Variants in HECTD4 observed in about 807,000 individuals in gnomAD.
The protein encoded by HECTD4 is HECT domain E3 ubiquitin protein ligase 4.
In HECTD4, 114 loss-of-function variants were observed where a neutral mutation model predicts 471.5. The observed-to-expected ratio is 0.24, with a 90% confidence interval of 0.21 to 0.28. The LOEUF (loss-of-function observed/expected upper bound fraction) is 0.28. HECTD4 is among the 10% of genes least tolerant of loss of function. HECTD4 has a pLI of 1.00. For synonymous variants in HECTD4, 2,012 were observed against 2,256.0 expected (o/e 0.89, Z 3.07); for missense variants, 3,866 against 5,651.5 (o/e 0.68, Z 10.13).
rs79313730 is a variant in HECTD4 at position 112,170,663 on chromosome 12, G to C, written c.11933-211C>G. ...GAGACATCCAATTTCTAGAAACAAT[G>C]CAAACAAACTAGAGTTGCAAAATGG... is the stretch of plus-strand genomic sequence containing the variant. On this transcript the variant is annotated intron_variant, in intron 68 of 75. Coordinates refer to ENST00000682272, the MANE Select transcript of HECTD4 (RefSeq NM_001388303.1). The C allele has an allele frequency of 2.1e-3, 1,194 of 560,646 alleles. 12 individuals carry two copies. Among genetic ancestry groups the C allele is most frequent in the African/African-American group, 0.02 (1,079 of 53,606 alleles). 34.7% of individuals were successfully genotyped at this position (560,646 alleles called of 1,614,324 possible).
rs369235176 is a variant in HECTD4, at chr12:112,243,766, G to A, written c.4650-5C>T. 22 of 1,612,822 alleles carry A rather than the reference G, an allele frequency of 1.4e-5. No homozygotes were observed. Among genetic ancestry groups the A allele is most frequent in the African/African-American group, 5.3e-5 (4 of 74,902 alleles). ...TGGCTGGTCACGTGGCGACGCCTAC[G>A]GGGAACACAGAACAGACTGGCAAGA... On this transcript the variant is annotated splice_polypyrimidine_tract_variant and splice_region_variant and intron_variant, in intron 30 of 75. Transcript: ENST00000682272. The surrounding 1 kb of genome is among the most constrained non-coding windows in gnomAD (Gnocchi z 6.6).
chr12:112,233,198 CTTACACTAACATTAGCT>C, intron 37 of HECTD4, 113 bp from the exon 38 acceptor site: 15 of 568,134 alleles, frequency 2.6e-5, no homozygotes, highest in East Asian at 9.9e-5. Context: ...CTAACATTAG[CTTACACTAACATTAGCT>C]TTTTTTTTTT....
At chr12:112,364,410 A>G (rs1458880836) in intron 1 of HECTD4, among the ~76,000 whole-genome samples, 2 of 139,756 alleles carry the variant, frequency 1.4e-5, no homozygotes, top group East Asian at 4.3e-4. Context: ...CTCTCTCTCA[A>G]AAAAAAAAAA....
chr12:112,323,967 T>TC (rs2035650538), intron 1 of HECTD4, among the ~76,000 whole-genome samples: 1 of 16,496 alleles, frequency 6.1e-5, no homozygotes, highest in Non-Finnish European at 9.8e-5. Flanking sequence ...TCTTTCTTTC[T>TC]TCCTTCCTTC....
At chr12:112,216,980 C>G in intron 46 of HECTD4, 54 bp downstream of exon 46, 3 of 1,595,530 alleles carry the variant, frequency 1.9e-6, no homozygotes, top group Non-Finnish European at 2.6e-6. Context: ...CTGAGACCTG[C>G]TTTTTCTTTC....
intron 66 of HECTD4, 88 bp from the exon 67 acceptor site, chr12:112,172,949 A>G (rs1010727781): frequency 9.3e-5 from 106 of 1,142,020 alleles, no homozygotes; most frequent in Non-Finnish European, 1.3e-4. Context: ...CCCTGTCCTC[A>G]GCTCCTGGAG....
In HECTD4 at chr12:112,269,696, C is replaced by T; in HGVS notation, c.2321+8G>A. The T allele has an allele frequency of 6.2e-7, 1 of 1,613,788 alleles. No homozygotes were observed. The highest frequency in any genetic ancestry group is 8.5e-7 in the Non-Finnish European group (1 of 1,179,772). On this transcript the variant is annotated splice_region_variant and intron_variant, in intron 13 of 75. Coordinates refer to ENST00000682272, the MANE Select transcript of HECTD4 (RefSeq NM_001388303.1). ...CAGAGAGCACTACAAAAATCATTAG[C>T]TGTTTACCTGATGGCAAGGCAGACT...
chr12:112,368,623 G>A (rs549279386), intron 1 of HECTD4, among the ~76,000 whole-genome samples: 3 of 152,034 alleles, frequency 2.0e-5, no homozygotes, highest in South Asian at 4.2e-4. Context: ...AGTAATCACA[G>A]GATCCAAAAC....
rs548556580 is a variant in HECTD4, at chr12:112,330,519, T to C, written c.178-10777A>G. ...CTATTGACAATTTTTAATACAAAAC[T>C]ATAACAAATTTAAAAAGGAAACTGA... On this transcript the variant is annotated intron_variant, in intron 1 of 75. Transcript: ENST00000682272. Among the ~76,000 whole-genome samples, 3 of 152,270 alleles carry C rather than the reference T, an allele frequency of 2.0e-5. No homozygotes were observed. In the South Asian group the frequency reaches 6.2e-4, roughly 32 times the overall value.
rs568612877 is a variant in HECTD4, at chr12:112,209,417, C to T, written c.7867+598G>A. Among the ~76,000 whole-genome samples the T allele has an allele frequency of 6.6e-5, 10 of 151,788 alleles. No individual in the cohort carries two copies. In the South Asian group the frequency reaches 2.1e-3, roughly 32 times the overall value. On this transcript the variant is annotated intron_variant, in intron 50 of 75. Coordinates refer to ENST00000682272, the MANE Select transcript of HECTD4 (RefSeq NM_001388303.1). ...TCTCAACTCACTGCAACCTCCACCTCCCGGTTCAAGCAATTCTTCTGCCTC... is the reference window on the plus strand; with the variant it reads ...TCTCAACTCACTGCAACCTCCACCTTCCGGTTCAAGCAATTCTTCTGCCTC...
intron 22 of HECTD4, among the ~76,000 whole-genome samples, chr12:112,253,352 C>T (rs1021383439): frequency 2.7e-5 from 4 of 150,314 alleles, no homozygotes; most frequent in Non-Finnish European, 5.9e-5. Context: ...CTCAAACTCC[C>T]GACCTCAGGT....
At chr12:112,340,114 T>C (rs928756858) in intron 1 of HECTD4, among the ~76,000 whole-genome samples, 3 of 152,138 alleles carry the variant, frequency 2.0e-5, no homozygotes, top group Non-Finnish European at 4.4e-5. Flanking sequence ...TTTTTCAGGA[T>C]GTAATTCATC....
chr12:112,304,678 TAA>T (rs60118511), intron 7 of HECTD4, among the ~76,000 whole-genome samples: 8,338 of 133,798 alleles, frequency 0.062, 1,258 homozygotes, highest in East Asian at 0.62. Context: ...AAAAACCAAT[TAA>T]AAAAAAAAAA....
intron 6 of HECTD4, 93 bp from the exon 7 acceptor site, chr12:112,306,327 G>C (rs2035270826): frequency 9.6e-7 from 1 of 1,042,716 alleles, no homozygotes; most frequent in East Asian, 3.1e-5. Context: ...TGCCCAAGAT[G>C]AGAATTCACT....
chr12:112,302,264 AG>A, intron 7 of HECTD4: 3 of 1,047,000 alleles, frequency 2.9e-6, no homozygotes, highest in Non-Finnish European at 4.4e-6. Context: ...TCCTGCTCGA[AG>A]GGCAGGTGGT....
chr12:112,162,019 T>G lies in HECTD4; in HGVS notation c.*368A>C. The G allele has an allele frequency of 5.3e-6, 1 of 189,732 alleles. No homozygotes were observed. The highest frequency in any genetic ancestry group is 1.1e-5 in the Non-Finnish European group (1 of 91,568). 11.8% of individuals were successfully genotyped at this position (189,732 alleles called of 1,614,324 possible). A position where few individuals can be genotyped will look rare whatever the true frequency, so the allele number is the denominator to read the frequency against. The stretch of plus-strand genomic sequence containing the variant: ...GCACGAGCGCTCTGTGTGGCCGAGG[T>G]CATTGTACCCCCGGCTTCCTGCTGG... On this transcript the variant is annotated 3_prime_UTR_variant, in exon 76 of 76. Coordinates refer to ENST00000682272, the MANE Select transcript of HECTD4 (RefSeq NM_001388303.1). This position sits in a 1 kb window ranked among gnomAD's most constrained non-coding sequence, Gnocchi z 5.2.
intron 54 of HECTD4, among the ~76,000 whole-genome samples, chr12:112,202,420 A>AGG (rs938595300): frequency 1.3e-5 from 2 of 152,068 alleles, no homozygotes; most frequent in Non-Finnish European, 2.9e-5. Flanking sequence ...TGGCTAGGCT[A>AGG]GTCTCAAGCT....
chr12:112,206,779 G>A (rs1022397999), intron 52 of HECTD4, among the ~76,000 whole-genome samples: 2 of 152,028 alleles, frequency 1.3e-5, no homozygotes, highest in Non-Finnish European at 2.9e-5. Flanking sequence ...CTCATGATCC[G>A]CCTGCCTTGG....
chr12:112,247,181 A>C, intron 28 of HECTD4, 105 bp from the exon 29 acceptor site: 1 of 925,612 alleles, frequency 1.1e-6, no homozygotes, highest in Non-Finnish European at 1.6e-6. Flanking sequence ...GGGGAAACTA[A>C]GCAAAAGTAA....
Sources: allele counts gnomAD v4.1 joint callset (sites outside exome capture counted in the v4.1 genomes callset), GRCh38; gene constraint gnomAD v4.1.1; non-coding constraint Gnocchi (gnomAD v3.1); transcripts MANE v1.5; gene names NCBI Gene and HGNC (gene_info 2026-07-23, HGNC 2026-07-21).